The following CTBS variants were observed in gnomAD, a reference collection of about 807,000 sequenced individuals.
CTBS encodes chitobiase, also known as di-N-acetylchitobiase.
Under a neutral mutation model 44.3 loss-of-function variants are expected in CTBS, and 35 were observed. The ratio of observed to expected loss-of-function variants is 0.79; its 90% CI spans 0.60 to 1.05. The LOEUF is 1.05. CTBS is among the 50% of genes least tolerant of loss of function. The pLI is 0.00. For synonymous variants in CTBS, 143 were observed against 168.0 expected (o/e 0.85, Z 1.15); for missense variants, 458 against 475.3 (o/e 0.96, Z 0.34).
chr1:84,554,578 A>G lies in CTBS; in HGVS notation c.*421T>C, dbSNP rs1684373372. ...AGATTTATTGGAGGGTTGGGGGAAA[A>G]GTATAGCACAAACTGCTTTTCAAAG... is the stretch of plus-strand genomic sequence containing the variant. On this transcript the variant is annotated 3_prime_UTR_variant, in exon 7 of 7. Coordinates refer to ENST00000370630, the MANE Select transcript of CTBS (RefSeq NM_004388.3). 1 of 158,944 alleles carries G rather than the reference A, an allele frequency of 6.3e-6. No individual in the cohort carries two copies. Among genetic ancestry groups the G allele is most frequent in the African/African-American group, 2.4e-5 (1 of 41,480 alleles). 9.8% of individuals were successfully genotyped at this position (158,944 alleles called of 1,614,324 possible).
chr1:84,571,174 T>C (rs757811586), intron 1 of CTBS, among the ~76,000 whole-genome samples: 6 of 152,130 alleles, frequency 3.9e-5, no homozygotes, highest in Non-Finnish European at 5.9e-5. Context: ...TAGAAAAATA[T>C]TTTCAGCTGC....
Position 84,551,437 on chromosome 1 carries a change from G to T in CTBS, c.*3562C>A, listed in dbSNP as rs150680489. ...GTCCAACAGAACTTATGTGATGATA[G>T]AAATGTTCTATGCCTGCACTGTCAG... is the stretch of plus-strand genomic sequence containing the variant. On this transcript the variant is annotated 3_prime_UTR_variant, in exon 7 of 7. Coordinates refer to ENST00000370630, the MANE Select transcript of CTBS (RefSeq NM_004388.3). The T allele has an allele frequency of 1.8e-4, 66 of 363,152 alleles. No homozygotes were observed. Among genetic ancestry groups the T allele is most frequent in the African/African-American group, 1.4e-3 (63 of 45,364 alleles). 22.5% of individuals were successfully genotyped at this position (363,152 alleles called of 1,614,324 possible).
chr1:84,563,314 A>G lies in CTBS; in HGVS notation c.900T>C (p.Ser300=). The G allele has an allele frequency of 2.5e-6, 4 of 1,595,380 alleles. No individual in the cohort carries two copies. The highest frequency in any genetic ancestry group is 3.4e-6 in the Non-Finnish European group (4 of 1,171,336). ...TATCCCATAGGTTTCCAGAAATAGA[A>G]CTATTTATTTGCTTCATGATCGTTT... ...PYKTIMKQIN[S]SISGNLWDKD... is the part of the protein sequence containing the mutation. Residue 300 remains serine, a synonymous_variant, in exon 6 of 7, where the codon AGT becomes AGC. Coordinates refer to ENST00000370630, the MANE Select transcript of CTBS (RefSeq NM_004388.3).
intron 1 of CTBS, among the ~76,000 whole-genome samples, chr1:84,570,972 C>T (rs369490868): frequency 1.3e-5 from 2 of 151,984 alleles, no homozygotes; most frequent in Admixed American, 6.6e-5. Context: ...ATGGTGGTTG[C>T]GTAACTAAAT....
At chr1:84,568,725 T>A (rs1020719790) in intron 3 of CTBS, among the ~76,000 whole-genome samples, 1 of 152,112 alleles carries the variant, frequency 6.6e-6, no homozygotes, top group Non-Finnish European at 1.5e-5. Flanking sequence ...AGGGGCAGAT[T>A]TCCCCCTCCA....
chr1:84,574,153 G>A, intron 1 of CTBS, 86 bp downstream of exon 1: 1 of 1,541,152 alleles, frequency 6.5e-7, no homozygotes. Flanking sequence ...CGGCGCCCAC[G>A]GCACCTCTCC....
chr1:84,570,750 T>C (rs979126171), intron 1 of CTBS, 30 bp from the exon 2 acceptor site: 2 of 1,605,430 alleles, frequency 1.2e-6, no homozygotes, highest in Non-Finnish European at 1.7e-6. Flanking sequence ...CACCATCATT[T>C]AAACCAAGAA....
Position 84,570,240 on chromosome 1 carries a change from T to C in CTBS, c.317-101A>G, listed in dbSNP as rs571741304. The C allele has an allele frequency of 1.7e-4, 154 of 895,640 alleles. 3 individuals carry two copies. The South Asian group carries it at 2.4e-3, about 14-fold the overall frequency. 55.5% of individuals were successfully genotyped at this position (895,640 alleles called of 1,614,324 possible). A position where few individuals can be genotyped will look rare whatever the true frequency, so the allele number is the denominator to read the frequency against. ...GAAGTTTTCCAATGGAGAAAGAATA[T>C]ACCAAAGTAACAGAAAGCCATTACT... On this transcript the variant is annotated intron_variant, in intron 2 of 6. Transcript: ENST00000370630.
At chr1:84,573,913 T>C in intron 1 of CTBS, 1 of 1,237,030 alleles carries the variant, frequency 8.1e-7, no homozygotes, top group Non-Finnish European at 1.0e-6. Flanking sequence ...TGGATTATCC[T>C]ACCTTGTTTG....
intron 3 of CTBS, among the ~76,000 whole-genome samples, chr1:84,569,643 C>G (rs915407111): frequency 6.6e-6 from 1 of 152,088 alleles, no homozygotes; most frequent in Admixed American, 6.5e-5. Flanking sequence ...TGGTTAGGCG[C>G]CCCCCTTGAT....
intron 6 of CTBS, 22 bp from the exon 7 acceptor site, chr1:84,555,221 G>C: frequency 6.4e-7 from 1 of 1,555,836 alleles, no homozygotes. Context: ...AATTAAAATG[G>C]AGATTTTAAA....
At position 84,554,582 on chromosome 1, in the gene CTBS, T is replaced by C. The variant is rs1165122050; in HGVS notation, c.*417A>G. On this transcript the variant is annotated 3_prime_UTR_variant, in exon 7 of 7. Coordinates refer to ENST00000370630, the MANE Select transcript of CTBS (RefSeq NM_004388.3). ...TTATTGGAGGGTTGGGGGAAAAGTATAGCACAAACTGCTTTTCAAAGACTA... is the reference window on the plus strand; with the variant it reads ...TTATTGGAGGGTTGGGGGAAAAGTACAGCACAAACTGCTTTTCAAAGACTA... The C allele has an allele frequency of 6.1e-6, 1 of 164,746 alleles. No homozygotes were observed. The highest frequency in any genetic ancestry group is 2.4e-5 in the African/African-American group (1 of 41,512). 10.2% of individuals were successfully genotyped at this position (164,746 alleles called of 1,614,324 possible).
chr1:84,561,594 C>G (rs563385127), intron 6 of CTBS, among the ~76,000 whole-genome samples: 1 of 152,276 alleles, frequency 6.6e-6, no homozygotes, highest in East Asian at 1.9e-4. Context: ...AATAGCATCA[C>G]GTTTTACACA....
In CTBS at chr1:84,552,791, T is replaced by G. The variant is rs529310391; in HGVS notation, c.*2208A>C. ...AGTTTTTAGAACAGTTCAATTGTAT[T>G]GTCCCTATCTACTCATAAACAAGGT... On this transcript the variant is annotated 3_prime_UTR_variant, in exon 7 of 7. Transcript: ENST00000370630. 214 of 325,626 alleles carry G rather than the reference T, an allele frequency of 6.6e-4. No homozygotes were observed. Among genetic ancestry groups the G allele is most frequent in the Middle Eastern group, 5.0e-3 (6 of 1,206 alleles). The allele number at this position is 325,626 out of a possible 1,614,324, so 20.2% of individuals were successfully genotyped here. A position where few individuals can be genotyped will look rare whatever the true frequency, so the allele number is the denominator to read the frequency against.
At chr1:84,557,218 G>A (rs1019566932) in intron 6 of CTBS, among the ~76,000 whole-genome samples, 3 of 152,134 alleles carry the variant, frequency 2.0e-5, no homozygotes, top group African/African-American at 7.2e-5. Flanking sequence ...GATTCATGTT[G>A]CTACAGAATT....
intron 2 of CTBS, 84 bp downstream of exon 2, chr1:84,570,498 G>T: frequency 1.7e-6 from 2 of 1,181,088 alleles, no homozygotes; most frequent in East Asian, 2.4e-5. Context: ...AACATAAAAG[G>T]ACTTTTTTGG....
At position 84,550,084 on chromosome 1, in the gene CTBS, ATAT is replaced by A. The variant is rs142634573; in HGVS notation, c.*4912_*4914del. The A allele has an allele frequency of 9.1e-3, 1,403 of 153,896 alleles. 57 individuals carry two copies. In the East Asian group the frequency reaches 0.13, roughly 15 times the overall value. The allele number at this position is 153,896 out of a possible 1,614,324, so 9.5% of individuals were successfully genotyped here. A position where few individuals can be genotyped will look rare whatever the true frequency, so the allele number is the denominator to read the frequency against. On this transcript the variant is annotated 3_prime_UTR_variant, in exon 7 of 7. Transcript: ENST00000370630. Reference sequence around the variant, plus strand: ...GTTTTTGCATATAAAATATAGTATCATATTATTAAGTATTTTAAAATAATTCTA... The same window carrying A: ...GTTTTTGCATATAAAATATAGTATCATATTAAGTATTTTAAAATAATTCTA...
chr1:84,565,508 T>G (rs1023066863), intron 4 of CTBS, among the ~76,000 whole-genome samples: 5 of 152,194 alleles, frequency 3.3e-5, no homozygotes, highest in African/African-American at 9.6e-5. Flanking sequence ...TGTGATTTCA[T>G]GACAAGAATA....
chr1:84,555,012 A>T lies in CTBS; in HGVS notation c.1145T>A (p.Leu382Gln). ...EEMWEVLKPKLLQR is the reference protein window; with the variant it reads ...EEMWEVLKPKQLQR Reference sequence around the variant, plus strand: ...GACAAAAGATGTTCATCTCTGTAACAGCTTTGGCTTTAAGACTTCCCACAT... The same window carrying T: ...GACAAAAGATGTTCATCTCTGTAACTGCTTTGGCTTTAAGACTTCCCACAT... The change falls in exon 7 of 7, where the codon CTG (leucine) becomes CAG (glutamine). Residue 382 changes from leucine (L) to glutamine (Q), a missense_variant. Transcript: ENST00000370630. The T allele has an allele frequency of 6.2e-7, 1 of 1,613,742 alleles. No homozygotes were observed. Among genetic ancestry groups the T allele is most frequent in the Non-Finnish European group, 8.5e-7 (1 of 1,179,808 alleles).
Sources: allele counts gnomAD v4.1 joint callset (sites outside exome capture counted in the v4.1 genomes callset), GRCh38; gene constraint gnomAD v4.1.1; transcripts MANE v1.5; gene names NCBI Gene and HGNC (gene_info 2026-07-23, HGNC 2026-07-21).